PLS1: variants seen among roughly 807,000 people sequenced by gnomAD.
PLS1 encodes the protein plastin 1.
Under a neutral mutation model 73.7 loss-of-function variants are expected in PLS1, and 32 were observed. That is an observed-to-expected ratio of 0.43 (90% CI 0.33 to 0.58). The LOEUF is 0.58. Ranked by LOEUF, PLS1 falls within the 20% of genes least tolerant of loss-of-function variation. The probability of loss-of-function intolerance (pLI) is 0.04; values close to 1 mark genes in which losing one functional copy is unlikely to be tolerated. For synonymous variants in PLS1, 217 were observed against 261.3 expected, an observed-to-expected ratio of 0.83 and a Z score of 1.63; for missense variants, 633 against 740.5, an observed-to-expected ratio of 0.85 and a Z score of 1.68.
At chr3:142,683,403 C>T (rs1421001780) in intron 6 of PLS1, among the ~76,000 whole-genome samples, 2 of 152,194 alleles carry the variant, frequency 1.3e-5, no homozygotes, top group Non-Finnish European at 2.9e-5. Context: ...ACTCAGGAGG[C>T]TGAGGCAGGA....
At chr3:142,704,146 A>G (rs1220450341) in intron 13 of PLS1, 145 bp downstream of exon 13, 1 of 641,302 alleles carries the variant, frequency 1.6e-6, no homozygotes, top group Non-Finnish European at 2.5e-6. Context: ...TTTACTGTTG[A>G]TTATGGTTTT....
At chr3:142,675,788 C>T (rs1400514453) in intron 4 of PLS1, among the ~76,000 whole-genome samples, 2 of 152,090 alleles carry the variant, frequency 1.3e-5, no homozygotes, top group Non-Finnish European at 2.9e-5. Flanking sequence ...AATCCTGAAG[C>T]CTCAGCCTCT....
intron 1 of PLS1, among the ~76,000 whole-genome samples, chr3:142,614,652 C>G (rs2036182985): frequency 6.6e-6 from 1 of 152,156 alleles, no homozygotes; most frequent in South Asian, 2.1e-4. Flanking sequence ...GTGTTTGGCC[C>G]ATGGGTGCCA....
At chr3:142,597,407 T>C (rs537741372) in intron 1 of PLS1, 1 of 152,272 alleles carries the variant, frequency 6.6e-6, no homozygotes, top group Non-Finnish European at 1.5e-5. Flanking sequence ...AGTTGAATTA[T>C]GTAATGAAAT....
intron 1 of PLS1, among the ~76,000 whole-genome samples, chr3:142,658,175 T>C (rs2037282942): frequency 6.6e-6 from 1 of 152,096 alleles, no homozygotes; most frequent in East Asian, 1.9e-4. Context: ...ACTGTATCTT[T>C]AAAAAATATG....
At chr3:142,616,892 G>A (rs1016748346) in intron 1 of PLS1, among the ~76,000 whole-genome samples, 2 of 152,066 alleles carry the variant, frequency 1.3e-5, no homozygotes, top group Non-Finnish European at 1.5e-5. Flanking sequence ...GTGAGCCACC[G>A]CACCCGGCCA....
At position 142,655,798 on chromosome 3, in the gene PLS1, G is replaced by T. The variant is rs139705943; in HGVS notation, c.-36-8404G>T. ...AGTGTCACTTTACCCCCGGTGCGCT[G>T]TTCCTGGCTTAACACTTCATAATGG... On this transcript the variant is annotated intron_variant, in intron 1 of 15. Coordinates refer to ENST00000457734, the MANE Select transcript of PLS1 (RefSeq NM_001145319.2). Among the ~76,000 whole-genome samples, 3 of 151,472 alleles carry T rather than the reference G, an allele frequency of 2.0e-5. No homozygotes were observed. In the East Asian group the frequency reaches 5.8e-4, roughly 29 times the overall value.
At position 142,684,042 on chromosome 3, in the gene PLS1, A is replaced by G. The variant is rs754541063; in HGVS notation, c.616A>G (p.Ile206Val). ...LNLALNSASA[I>V]GCTVVNIGAS... ...CCTAGCTCTGAATTCTGCCTCAGCCATTGGTTGTACAGTGGTCAACATTGG... is the reference window on the plus strand; with the variant it reads ...CCTAGCTCTGAATTCTGCCTCAGCCGTTGGTTGTACAGTGGTCAACATTGG... The change falls in exon 7 of 16, where the codon ATT (isoleucine) becomes GTT (valine). Residue 206 changes from isoleucine to valine, a missense_variant. Coordinates refer to ENST00000457734, the MANE Select transcript of PLS1 (RefSeq NM_001145319.2). 2 of 1,613,424 alleles carry G rather than the reference A, an allele frequency of 1.2e-6. No individual in the cohort carries two copies. Among genetic ancestry groups the G allele is most frequent in the Middle Eastern group, 1.7e-4 (1 of 6,042 alleles).
chr3:142,651,976 T>C (rs1428250381), intron 1 of PLS1, among the ~76,000 whole-genome samples: 1 of 152,148 alleles, frequency 6.6e-6, no homozygotes, highest in Non-Finnish European at 1.5e-5. Context: ...GCCTGGCCCT[T>C]GTAGGCTTAG....
intron 1 of PLS1, among the ~76,000 whole-genome samples, chr3:142,654,164 G>A (rs962126094): frequency 2.0e-5 from 3 of 152,146 alleles, no homozygotes; most frequent in Non-Finnish European, 4.4e-5. Flanking sequence ...GTGGCGGCCC[G>A]TGTGGTGAGG....
At chr3:142,703,123 G>A (rs536144611) in intron 12 of PLS1, among the ~76,000 whole-genome samples, 9 of 152,166 alleles carry the variant, frequency 5.9e-5, no homozygotes, top group African/African-American at 1.7e-4. Context: ...AAAGAATATC[G>A]GAGATGAAGT....
intron 1 of PLS1, among the ~76,000 whole-genome samples, chr3:142,607,029 C>T (rs1483170854): frequency 2.0e-5 from 3 of 152,168 alleles, no homozygotes; most frequent in African/African-American, 7.2e-5. Flanking sequence ...GGAGCAGCTG[C>T]ACCATTTTAC....
intron 1 of PLS1, among the ~76,000 whole-genome samples, chr3:142,625,586 A>G (rs901013559): frequency 6.6e-6 from 1 of 151,902 alleles, no homozygotes; most frequent in African/African-American, 2.4e-5. Flanking sequence ...TGCACATACT[A>G]CTTGCAAGGT....
At chr3:142,603,010 C>T (rs1014555399) in intron 1 of PLS1, among the ~76,000 whole-genome samples, 8 of 152,244 alleles carry the variant, frequency 5.3e-5, no homozygotes, top group Non-Finnish European at 7.3e-5. Context: ...CTTGTCACTT[C>T]ATCCAGTTCC....
rs745509078 is a variant in PLS1 at position 142,704,484 on chromosome 3, G to A, written c.1527G>A (p.Ser509=). ...GCAGGTACACATTGAATGTGTTATC[G>A]GATCTTGGAGAGGGTGAAAAAGTAA... ...LMRRYTLNVL[S]DLGEGEKVND... The change falls in exon 14 of 16, where the codon TCG becomes TCA. Residue 509 remains serine, a synonymous_variant. Coordinates refer to ENST00000457734, the MANE Select transcript of PLS1 (RefSeq NM_001145319.2). 34 of 1,602,256 alleles carry A rather than the reference G, an allele frequency of 2.1e-5. No homozygotes were observed. In the East Asian group the frequency reaches 4.0e-4, roughly 19 times the overall value.
intron 1 of PLS1, among the ~76,000 whole-genome samples, chr3:142,627,281 T>C (rs1375454084): frequency 6.6e-6 from 1 of 152,172 alleles, no homozygotes; most frequent in African/African-American, 2.4e-5. Flanking sequence ...TACCTACTTT[T>C]TTGTACTGAC....
Position 142,711,893 on chromosome 3 carries a change from A to G in PLS1, c.1776A>G (p.Arg592=), listed in dbSNP as rs1933146598. Residue 592 remains arginine, a synonymous_variant, in exon 16 of 16, where the codon CGA becomes CGG. Coordinates refer to ENST00000457734, the MANE Select transcript of PLS1 (RefSeq NM_001145319.2). ...NNAKYAISVA[R]KIGARIYALP... is the part of the protein sequence containing the mutation. ...CAAGATACGCCATTTCAGTTGCTCG[A>G]AAGATCGGTGCCCGGATATATGCAT... 6.2e-7 allele frequency: 1 copy of G among 1,613,708 alleles called. No individual in the cohort carries two copies. The highest frequency in any genetic ancestry group is 1.3e-5 in the African/African-American group (1 of 74,932).
intron 4 of PLS1, among the ~76,000 whole-genome samples, chr3:142,675,587 A>T (rs2037703922): frequency 6.6e-6 from 1 of 151,390 alleles, no homozygotes; most frequent in Admixed American, 6.6e-5. Context: ...AGGTTTTAAC[A>T]TGTTGGCCAG....
At chr3:142,698,830 T>C (rs2038266063) in intron 12 of PLS1, among the ~76,000 whole-genome samples, 1 of 152,190 alleles carries the variant, frequency 6.6e-6, no homozygotes, top group Non-Finnish European at 1.5e-5. Flanking sequence ...TTTTTCCACC[T>C]ATCCTGATGA....
Sources: gnomAD v4.1 joint callset for allele counts (sites outside exome capture counted in the v4.1 genomes callset) on GRCh38, gnomAD v4.1.1 for gene constraint, MANE v1.5 for transcripts, NCBI Gene and HGNC (gene_info 2026-07-23, HGNC 2026-07-21) for gene names.